Variants in TXNDC16 observed in about 807,000 individuals in gnomAD.
TXNDC16 encodes the protein thioredoxin domain containing 16.
Under a neutral mutation model 85.6 loss-of-function variants are expected in TXNDC16, and 74 were observed. The ratio of observed to expected loss-of-function variants is 0.86; its 90% CI spans 0.72 to 1.05. The LOEUF (loss-of-function observed/expected upper bound fraction) is 1.05. Among genes scored for constraint, TXNDC16 ranks in the 50% least tolerant of loss-of-function variants. The pLI is 0.00. For missense variants in TXNDC16, 959 were observed against 947.0 expected, an observed-to-expected ratio of 1.01 and a Z score of -0.17; for synonymous variants, 335 against 326.5, an observed-to-expected ratio of 1.03 and a Z score of -0.28.
chr14:52,480,677 T>C (rs2036123532), intron 14 of TXNDC16, among the ~76,000 whole-genome samples: 1 of 151,800 alleles, frequency 6.6e-6, no homozygotes. Flanking sequence ...AAATAATAGA[T>C]GTTGGCGTGG....
At chr14:52,515,407 T>A (rs1036804342) in intron 7 of TXNDC16, among the ~76,000 whole-genome samples, 1 of 152,080 alleles carries the variant, frequency 6.6e-6, no homozygotes, top group Non-Finnish European at 1.5e-5. Flanking sequence ...AAACTTGTGG[T>A]AGATTCTTTC....
chr14:52,490,875 C>G lies in TXNDC16; in HGVS notation c.887G>C (p.Arg296Pro), dbSNP rs533845800. 6 of 1,612,062 alleles carry G rather than the reference C, an allele frequency of 3.7e-6. No homozygotes were observed. The highest frequency in any genetic ancestry group is 5.1e-6 in the Non-Finnish European group (6 of 1,179,520). ...TAGAACTCCTGCTTTTCCCAGAAGACGCCAAGCAACCCATTCTGCAGTTCT... is the reference window on the plus strand; with the variant it reads ...TAGAACTCCTGCTTTTCCCAGAAGAGGCCAAGCAACCCATTCTGCAGTTCT... ...DRRTAEWVAWRLLGKAGVLLL... is the reference protein window; with the variant it reads ...DRRTAEWVAWPLLGKAGVLLL... Residue 296 changes from arginine to proline, a missense_variant, in exon 10 of 21, where the codon CGT (arginine) becomes CCT (proline). Arg to Pro is a moderately radical substitution (Grantham distance 103, BLOSUM62 -2). Transcript: ENST00000281741.
At chr14:52,461,454 TCAGA>T (rs1443738750) in intron 16 of TXNDC16, among the ~76,000 whole-genome samples, 38 of 152,230 alleles carry the variant, frequency 2.5e-4, no homozygotes, top group African/African-American at 8.2e-4. Context: ...TAGGAATGAC[TCAGA>T]CATTTTATTA....
At chr14:52,551,986 A>G (rs1358622579) in intron 1 of TXNDC16, among the ~76,000 whole-genome samples, 1 of 152,142 alleles carries the variant, frequency 6.6e-6, no homozygotes, top group Non-Finnish European at 1.5e-5. Context: ...CATCCATCTG[A>G]TACTACTACT....
At chr14:52,533,375 A>G (rs1310205607) in intron 6 of TXNDC16, among the ~76,000 whole-genome samples, 1 of 152,206 alleles carries the variant, frequency 6.6e-6, no homozygotes, top group African/African-American at 2.4e-5. Flanking sequence ...TAAGCATTAA[A>G]AAGAAAATCC....
chr14:52,526,906 G>A (rs201620258), intron 6 of TXNDC16, among the ~76,000 whole-genome samples: 68 of 148,226 alleles, frequency 4.6e-4, no homozygotes, highest in Non-Finnish European at 7.7e-4. Flanking sequence ...CCATAAAACC[G>A]CAAAGGGAGA....
intron 16 of TXNDC16, among the ~76,000 whole-genome samples, chr14:52,459,043 C>A (rs1445119135): frequency 6.6e-6 from 1 of 152,018 alleles, no homozygotes; most frequent in Non-Finnish European, 1.5e-5. Context: ...AAATATATGG[C>A]AACCTCAAAT....
At chr14:52,531,884 T>A (rs1226000320) in intron 6 of TXNDC16, among the ~76,000 whole-genome samples, 1 of 152,076 alleles carries the variant, frequency 6.6e-6, no homozygotes, top group Non-Finnish European at 1.5e-5. Flanking sequence ...ATAGGGAAAA[T>A]TATATATAAA....
At chr14:52,511,132 G>A in intron 9 of TXNDC16, 108 bp downstream of exon 9, 1 of 914,376 alleles carries the variant, frequency 1.1e-6, no homozygotes. Context: ...AGTAAAACAT[G>A]CATCTATAAA....
At chr14:52,445,303 TTTGA>T (rs1225226414) in intron 18 of TXNDC16, among the ~76,000 whole-genome samples, 2 of 152,154 alleles carry the variant, frequency 1.3e-5, no homozygotes, top group East Asian at 1.9e-4. Context: ...AATTCAATGA[TTTGA>T]TTATTTATAA....
chr14:52,527,429 G>T (rs1449831573), intron 6 of TXNDC16, among the ~76,000 whole-genome samples: 2 of 150,136 alleles, frequency 1.3e-5, no homozygotes, highest in Admixed American at 6.7e-5. Flanking sequence ...GAGGAAAAAT[G>T]ATTTTTGTTT....
At chr14:52,510,577 A>G (rs1252816823) in intron 9 of TXNDC16, among the ~76,000 whole-genome samples, 1 of 152,244 alleles carries the variant, frequency 6.6e-6, no homozygotes, top group Non-Finnish European at 1.5e-5. Context: ...TAGACGGATT[A>G]AGTGACTTCT....
At chr14:52,546,077 G>A (rs1055021920) in intron 1 of TXNDC16, among the ~76,000 whole-genome samples, 2 of 152,078 alleles carry the variant, frequency 1.3e-5, no homozygotes, top group Non-Finnish European at 2.9e-5. Context: ...CTTGAGCCTA[G>A]GAGTTCAAGA....
intron 16 of TXNDC16, chr14:52,463,004 G>C (rs1190738530): frequency 6.6e-6 from 3 of 455,112 alleles, no homozygotes; most frequent in South Asian, 4.7e-5. Context: ...AAAGGGGATA[G>C]AACACAAAAG....
chr14:52,540,436 CCAATA>C (rs1407545084), intron 4 of TXNDC16, among the ~76,000 whole-genome samples: 3 of 152,174 alleles, frequency 2.0e-5, no homozygotes, highest in African/African-American at 7.2e-5. Context: ...ACCAGCCTGA[CCAATA>C]TGGTGAAACC....
intron 12 of TXNDC16, among the ~76,000 whole-genome samples, chr14:52,483,497 C>G (rs116313529): frequency 0.012 from 1,847 of 152,256 alleles, 36 homozygotes; most frequent in African/African-American, 0.041. Flanking sequence ...TAGACAAAGA[C>G]AATAACATAT....
Position 52,439,226 on chromosome 14 carries a change from T to G in TXNDC16, c.2172A>C (p.Glu724Asp). Residue 724 changes from glutamate (E) to aspartate (D), a missense_variant, in exon 20 of 21, where the codon GAA (glutamate) becomes GAC (aspartate). Transcript: ENST00000281741. ...TACTGATATGATTTTCTAGTCCTGC[T>G]TCTAATTTCTTCAGCCACAATACAA... ...ENLVLWLKKL[E>D]AGLENHITIL... 6.2e-7 allele frequency: 1 copy of G among 1,613,960 alleles called. No homozygotes were observed. Among genetic ancestry groups the G allele is most frequent in the Non-Finnish European group, 8.5e-7 (1 of 1,179,946 alleles).
chr14:52,493,216 T>TACACAC (rs35747449), intron 9 of TXNDC16, among the ~76,000 whole-genome samples: 21 of 115,930 alleles, frequency 1.8e-4, no homozygotes, highest in African/African-American at 6.7e-4. Context: ...TATATATATA[T>TACACAC]ACACACACAC....
intron 16 of TXNDC16, among the ~76,000 whole-genome samples, chr14:52,459,656 T>C (rs1055100419): frequency 6.6e-6 from 1 of 152,112 alleles, no homozygotes; most frequent in Non-Finnish European, 1.5e-5. Flanking sequence ...CTGATCAACA[T>C]TGAAAATCCT....
Sources: gnomAD v4.1 joint callset for allele counts (sites outside exome capture counted in the v4.1 genomes callset) on GRCh38, gnomAD v4.1.1 for gene constraint, MANE v1.5 for transcripts, NCBI Gene and HGNC (gene_info 2026-07-23, HGNC 2026-07-21) for gene names.